Variants in SIPA1L1 observed in about 807,000 individuals in gnomAD.
SIPA1L1 encodes the protein signal-induced proliferation-associated 1-like protein 1.
A neutral mutation model predicts 162.7 loss-of-function variants in SIPA1L1; 26 were observed. The observed-to-expected ratio is 0.16, with a 90% CI of 0.12 to 0.22. The LOEUF (loss-of-function observed/expected upper bound fraction) is 0.22, where lower values mean the gene tolerates loss of function less well. SIPA1L1 is among the 10% of genes least tolerant of loss of function. The probability of loss-of-function intolerance (pLI) is 1.00; values close to 1 mark genes in which losing one functional copy is unlikely to be tolerated. For synonymous variants in SIPA1L1, 829 were observed against 837.4 expected (o/e 0.99, Z 0.17); for missense variants, 1,874 against 2,241.0 (o/e 0.84, Z 3.31).
chr14:71,730,938 CT>C (rs1374214776), intron 20 of SIPA1L1, among the ~76,000 whole-genome samples: 1 of 152,168 alleles, frequency 6.6e-6, no homozygotes. Context: ...TGGTTTTTCC[CT>C]TTTTCCTGTC....
rs531413062 is a variant in SIPA1L1, at chr14:71,632,798, T to G, written c.1818+8562T>G. ...AGCAATACAGAGGTGTTGCTTTCCC[T>G]TAGGTGTCATGGAGGGAACTTGATG... On this transcript the variant is annotated intron_variant, in intron 7 of 23. Coordinates refer to ENST00000381232, the MANE Select transcript of SIPA1L1 (RefSeq NM_001386936.1). Among the ~76,000 whole-genome samples, 8 of 152,314 alleles carry G rather than the reference T, an allele frequency of 5.3e-5. 1 individual carries two copies. The highest frequency in any genetic ancestry group is 4.1e-4 in the South Asian group (2 of 4,826).
At chr14:71,506,609 G>A (rs1331651754) in intron 2 of SIPA1L1, among the ~76,000 whole-genome samples, 1 of 152,140 alleles carries the variant, frequency 6.6e-6, no homozygotes, top group Admixed American at 6.6e-5. Flanking sequence ...CCAAAGTGCT[G>A]GGATTACAGG....
At chr14:71,631,028 C>G (rs1459490641) in intron 7 of SIPA1L1, among the ~76,000 whole-genome samples, 1 of 152,102 alleles carries the variant, frequency 6.6e-6, no homozygotes, top group Non-Finnish European at 1.5e-5. Context: ...CCCCAGCCCC[C>G]CAGCCCCTGA....
chr14:71,595,332 G>C lies in SIPA1L1; in HGVS notation c.1498+5962G>C, dbSNP rs559788567. On this transcript the variant is annotated intron_variant, in intron 5 of 23. Coordinates refer to ENST00000381232, the MANE Select transcript of SIPA1L1 (RefSeq NM_001386936.1). ...AAGTTCACGTGAAAAATTTATTTTA[G>C]AATTTGATGCCAGAAGTTGAAACCG... Among the ~76,000 whole-genome samples the C allele has an allele frequency of 3.3e-5, 5 of 152,284 alleles. No individual in the cohort carries two copies. In the South Asian group the frequency reaches 1.0e-3, roughly 32 times the overall value.
intron 2 of SIPA1L1, among the ~76,000 whole-genome samples, chr14:71,451,282 G>GCGACAGAGCGAGACTCC: frequency 6.6e-6 from 1 of 151,912 alleles, no homozygotes; most frequent in African/African-American, 2.4e-5. Context: ...TGATAAAAAG[G>GCGACAGAGCGAGACTCC]GTACAAATTT....
chr14:71,574,768 TTTGA>T (rs1422451829), intron 4 of SIPA1L1: 2 of 152,202 alleles, frequency 1.3e-5, no homozygotes, highest in Non-Finnish European at 2.9e-5. Flanking sequence ...TGGTTTGCGT[TTTGA>T]TTAATTTTTT....
At chr14:71,405,911 G>A (rs1375361512) in intron 2 of SIPA1L1, among the ~76,000 whole-genome samples, 1 of 152,166 alleles carries the variant, frequency 6.6e-6, no homozygotes, top group Non-Finnish European at 1.5e-5. Context: ...CACGTTAGAG[G>A]CTTTTAAGCA....
At chr14:71,451,282 G>C (rs752708185) in intron 2 of SIPA1L1, among the ~76,000 whole-genome samples, 2 of 151,912 alleles carry the variant, frequency 1.3e-5, no homozygotes, top group Non-Finnish European at 2.9e-5. Flanking sequence ...TGATAAAAAG[G>C]GTACAAATTT....
At chr14:71,681,235 G>A (rs1269826668) in intron 12 of SIPA1L1, among the ~76,000 whole-genome samples, 2 of 151,918 alleles carry the variant, frequency 1.3e-5, no homozygotes, top group African/African-American at 2.4e-5. Context: ...TCACCCCCCT[G>A]CTGTCACCCC....
At position 71,734,253 on chromosome 14, in the gene SIPA1L1, G is replaced by A. The variant is rs148909824; in HGVS notation, c.5008+441G>A. Among the ~76,000 whole-genome samples, 14 of 152,374 alleles carry A rather than the reference G, an allele frequency of 9.2e-5. No individual in the cohort carries two copies. In the East Asian group the frequency reaches 1.7e-3, roughly 19 times the overall value. ...CTCCCTCATCTCCGTGCGCGGTAGC[G>A]CGTTGTCTGTCTGCATTGTCTCCTT... On this transcript the variant is annotated intron_variant, in intron 21 of 23. Transcript: ENST00000381232.
At chr14:71,637,671 C>CT (rs2041298660) in intron 7 of SIPA1L1, among the ~76,000 whole-genome samples, 1 of 151,738 alleles carries the variant, frequency 6.6e-6, no homozygotes, top group South Asian at 2.1e-4. Context: ...CTTCAGTGAA[C>CT]CATGGTCAAG....
intron 2 of SIPA1L1, among the ~76,000 whole-genome samples, chr14:71,360,388 G>A (rs1026824817): frequency 6.6e-6 from 1 of 152,142 alleles, no homozygotes; most frequent in Admixed American, 6.5e-5. Flanking sequence ...TTTTATATGA[G>A]CCTAAGTCCA....
intron 4 of SIPA1L1, among the ~76,000 whole-genome samples, chr14:71,542,766 C>T (rs1438060372): frequency 1.6e-5 from 2 of 122,504 alleles, no homozygotes; most frequent in Non-Finnish European, 3.3e-5. Flanking sequence ...TTTTTTTTTA[C>T]GAGATACAGT....
rs771052477 is a variant in SIPA1L1 at position 71,588,465 on chromosome 14, C to T, written c.593C>T (p.Thr198Ile). Residue 198 changes from threonine (T) to isoleucine (I), a missense_variant, in exon 5 of 24, where the codon ACT (threonine) becomes ATT (isoleucine). By Grantham distance (89) the Thr-to-Ile change is moderately conservative. Coordinates refer to ENST00000381232, the MANE Select transcript of SIPA1L1 (RefSeq NM_001386936.1). The surrounding 1 kb of genome is among the most constrained non-coding windows in gnomAD (Gnocchi z 4.3). ...FDECISPTYK[T>I]GPSLHREYGS... ...GAATGTATCTCACCTACATACAAGA[C>T]TGGACCATCACTGCACAGGGAATAT... 1 of 1,614,120 alleles carries T rather than the reference C, an allele frequency of 6.2e-7. No individual in the cohort carries two copies. The highest frequency in any genetic ancestry group is 8.5e-7 in the Non-Finnish European group (1 of 1,179,970).
rs71105772 is a variant in SIPA1L1 at position 71,356,567 on chromosome 14, C to CAAAAA, written c.-465+35402_-465+35406dup. 3.3e-4 allele frequency among the ~76,000 whole-genome samples: 13 copies of CAAAAA among 39,160 alleles called. 2 individuals are homozygous for CAAAAA. Among genetic ancestry groups the CAAAAA allele is most frequent in the Admixed American group, 4.8e-4 (1 of 2,086 alleles). The allele number at this position is 39,160 out of a possible 152,430, so 25.7% of individuals were successfully genotyped here. On this transcript the variant is annotated intron_variant, in intron 2 of 23. Coordinates refer to ENST00000381232, the MANE Select transcript of SIPA1L1 (RefSeq NM_001386936.1). ...GCAACATAGCAAGACCTTGTCTCTACAAAAAAAAAAAAAAAAAAAAGCACA... is the reference window on the plus strand; with the variant it reads ...GCAACATAGCAAGACCTTGTCTCTACAAAAAAAAAAAAAAAAAAAAAAAAAGCACA...
intron 4 of SIPA1L1, among the ~76,000 whole-genome samples, chr14:71,552,500 T>C (rs2055941397): frequency 6.6e-6 from 1 of 151,716 alleles, no homozygotes; most frequent in South Asian, 2.1e-4. Flanking sequence ...CACGACATTC[T>C]CCTGCCTCAG....
At chr14:71,425,827 C>G (rs542360607) in intron 2 of SIPA1L1, among the ~76,000 whole-genome samples, 1 of 146,424 alleles carries the variant, frequency 6.8e-6, no homozygotes, top group South Asian at 2.1e-4. Context: ...GTAGAATGGT[C>G]TATTTCTCTC....
rs948536053 is a variant in SIPA1L1, at chr14:71,674,561, T to G, written c.3104+1939T>G. Among the ~76,000 whole-genome samples the G allele has an allele frequency of 3.0e-4, 43 of 144,490 alleles. 1 individual carries two copies. The South Asian group carries it at 3.7e-3, about 12-fold the overall frequency. 94.8% of individuals were successfully genotyped at this position (144,490 alleles called of 152,430 possible). Reference sequence around the variant, plus strand: ...TAGTAGCATTCCTGTTTTTTTTTTGTTTTTTTTTGTTTTTTTTTTTTTAGA... The same window carrying G: ...TAGTAGCATTCCTGTTTTTTTTTTGGTTTTTTTTGTTTTTTTTTTTTTAGA... On this transcript the variant is annotated intron_variant, in intron 12 of 23. Transcript: ENST00000381232.
intron 21 of SIPA1L1, among the ~76,000 whole-genome samples, chr14:71,734,057 T>C (rs2085054109): frequency 6.6e-6 from 1 of 152,222 alleles, no homozygotes; most frequent in Non-Finnish European, 1.5e-5. Context: ...CTCCTCCGTA[T>C]ATGGGAAGGG....
Sources: gnomAD v4.1 joint callset for allele counts (sites outside exome capture counted in the v4.1 genomes callset) on GRCh38, gnomAD v4.1.1 for gene constraint, Gnocchi (gnomAD v3.1) non-coding constraint, MANE v1.5 for transcripts, NCBI Gene and HGNC (gene_info 2026-07-23, HGNC 2026-07-21) for gene names.